TPCN1: variants seen among roughly 807,000 people sequenced by gnomAD.
TPCN1 encodes the protein two pore segment channel 1, also known as two pore channel protein 1.
TPCN1 carries 52 observed loss-of-function variants against 108.8 expected under a neutral mutation model. That is an observed-to-expected ratio of 0.48 (90% CI 0.38 to 0.60). The LOEUF (loss-of-function observed/expected upper bound fraction) is 0.60, where lower values mean the gene tolerates loss of function less well. Among genes scored for constraint, TPCN1 ranks in the 20% least tolerant of loss-of-function variants. The pLI, the probability that TPCN1 is intolerant of heterozygous loss-of-function variation, is 0.00. For missense variants in TPCN1, 806 were observed against 1,072.8 expected, an observed-to-expected ratio of 0.75 and a Z score of 3.47; for synonymous variants, 446 against 433.7, an observed-to-expected ratio of 1.03 and a Z score of -0.35.
intron 2 of TPCN1, among the ~76,000 whole-genome samples, chr12:113,234,715 C>A (rs1953819631): frequency 6.6e-6 from 1 of 152,180 alleles, no homozygotes; most frequent in South Asian, 2.1e-4. Context: ...ACCCTGGGGC[C>A]TGCCGGACCA....
intron 4 of TPCN1, 22 bp from the exon 5 acceptor site, chr12:113,267,821 T>A (rs1467895410): frequency 3.8e-6 from 6 of 1,581,040 alleles, no homozygotes; most frequent in Non-Finnish European, 4.3e-6. Context: ...CCATGACACA[T>A]CTCCACACCC....
In TPCN1 at chr12:113,268,128, G is replaced by A. The variant is rs1193359134; in HGVS notation, c.528+172G>A. Reference sequence around the variant, plus strand: ...CCTCAGCCTTGTGGGTGCCCTGGATGTCGTGATGCCAGCAGTAGCTAATGT... The same window carrying A: ...CCTCAGCCTTGTGGGTGCCCTGGATATCGTGATGCCAGCAGTAGCTAATGT... On this transcript the variant is annotated intron_variant, in intron 5 of 27. Coordinates refer to ENST00000335509, the MANE Select transcript of TPCN1 (RefSeq NM_017901.6). This position sits in a 1 kb window ranked among gnomAD's most constrained non-coding sequence, Gnocchi z 7.3. Among the ~76,000 whole-genome samples, 1 of 152,182 alleles carries A rather than the reference G, an allele frequency of 6.6e-6. No homozygotes were observed. Among genetic ancestry groups the A allele is most frequent in the African/African-American group, 2.4e-5 (1 of 41,444 alleles).
At chr12:113,262,749 A>T (rs1955090875) in intron 3 of TPCN1, among the ~76,000 whole-genome samples, 3 of 152,190 alleles carry the variant, frequency 2.0e-5, no homozygotes, top group Admixed American at 2.0e-4. Context: ...TAGGAACTTT[A>T]AGGGGGCACC....
chr12:113,270,783 G>C (rs1448246268), intron 7 of TPCN1, among the ~76,000 whole-genome samples: 1 of 151,932 alleles, frequency 6.6e-6, no homozygotes, highest in Non-Finnish European at 1.5e-5. Context: ...CCGGCCTCTG[G>C]GACCTCTTTT....
In TPCN1 at chr12:113,298,318, C is replaced by T. The variant is rs1263022698; in HGVS notation, c.*2242C>T. 4.6e-5 allele frequency: 7 copies of T among 152,320 alleles called. No homozygotes were observed. Among genetic ancestry groups the T allele is most frequent in the African/African-American group, 1.7e-4 (7 of 41,458 alleles). The allele number at this position is 152,320 out of a possible 1,614,324, so 9.4% of individuals were successfully genotyped here. ...TGATCTAGCTCAGATGCCCTCTCAT[C>T]CTTGATGTCATAGTTGAGTGCACCC... On this transcript the variant is annotated 3_prime_UTR_variant, in exon 28 of 28. Transcript: ENST00000335509.
At position 113,288,652 on chromosome 12, in the gene TPCN1, G is replaced by A; in HGVS notation, c.1707-106G>A. On this transcript the variant is annotated intron_variant, in intron 20 of 27. Transcript: ENST00000335509. This position sits in a 1 kb window ranked among gnomAD's most constrained non-coding sequence, Gnocchi z 4.8. ...CACTTTCCAGTTGGTGAACCGACCAGGGGCATGGCCCTGCAGTCAGCCCCA... is the reference window on the plus strand; with the variant it reads ...CACTTTCCAGTTGGTGAACCGACCAAGGGCATGGCCCTGCAGTCAGCCCCA... 1.3e-6 allele frequency: 2 copies of A among 1,557,130 alleles called. No homozygotes were observed. Among genetic ancestry groups the A allele is most frequent in the African/African-American group, 1.3e-5 (1 of 74,182 alleles).
intron 2 of TPCN1, among the ~76,000 whole-genome samples, chr12:113,229,671 A>C (rs1953606988): frequency 6.6e-6 from 1 of 152,106 alleles, no homozygotes; most frequent in East Asian, 1.9e-4. Flanking sequence ...TTGTATTTTT[A>C]GTGGAGACGG....
At chr12:113,283,206 G>T (rs1174359411) in intron 15 of TPCN1, among the ~76,000 whole-genome samples, 1 of 152,200 alleles carries the variant, frequency 6.6e-6, no homozygotes, top group Non-Finnish European at 1.5e-5. Context: ...TTTATGTATG[G>T]CTTCTCCTTC....
At chr12:113,223,103 G>A (rs1020028258) in intron 1 of TPCN1, among the ~76,000 whole-genome samples, 1 of 152,102 alleles carries the variant, frequency 6.6e-6, no homozygotes, top group African/African-American at 2.4e-5. Flanking sequence ...TTCCACTGCT[G>A]AGATTTAAAA....
intron 15 of TPCN1, among the ~76,000 whole-genome samples, chr12:113,281,279 G>C (rs1451516347): frequency 1.3e-5 from 2 of 151,910 alleles, no homozygotes; most frequent in Non-Finnish European, 2.9e-5. Flanking sequence ...ACCTCAGGTG[G>C]TCCACCTGCC....
In TPCN1 at chr12:113,292,734, T is replaced by C; in HGVS notation, c.2114-200T>C. 7.0e-6 allele frequency: 4 copies of C among 572,420 alleles called. No individual in the cohort carries two copies. In the South Asian group the frequency reaches 1.1e-4, roughly 15 times the overall value. 35.5% of individuals were successfully genotyped at this position (572,420 alleles called of 1,614,324 possible). A position where few individuals can be genotyped will look rare whatever the true frequency, so the allele number is the denominator to read the frequency against. ...CTCTGGCCCTGTAACAGCTGCCAGCTAGACCTGCGCTCCTGACATCACAGC... is the reference window on the plus strand; with the variant it reads ...CTCTGGCCCTGTAACAGCTGCCAGCCAGACCTGCGCTCCTGACATCACAGC... On this transcript the variant is annotated intron_variant, in intron 25 of 27. Coordinates refer to ENST00000335509, the MANE Select transcript of TPCN1 (RefSeq NM_017901.6).
At chr12:113,256,579 G>A (rs1277053831) in intron 2 of TPCN1, among the ~76,000 whole-genome samples, 2 of 152,214 alleles carry the variant, frequency 1.3e-5, no homozygotes, top group Admixed American at 6.5e-5. Flanking sequence ...TTTAAAGACA[G>A]TGTCTTTCTG....
rs573413019 is a variant in TPCN1 at position 113,297,749 on chromosome 12, T to C, written c.*1673T>C. ...TGTCCTCTTCCTCTCTGGAGGGCCA[T>C]GGGCCATCAGCAGGAGCTCCACATC... On this transcript the variant is annotated 3_prime_UTR_variant, in exon 28 of 28. Coordinates refer to ENST00000335509, the MANE Select transcript of TPCN1 (RefSeq NM_017901.6). This position sits in a 1 kb window ranked among gnomAD's most constrained non-coding sequence, Gnocchi z 4.4. The C allele has an allele frequency of 6.6e-5, 10 of 152,480 alleles. No homozygotes were observed. Among genetic ancestry groups the C allele is most frequent in the African/African-American group, 2.2e-4 (9 of 41,578 alleles). The allele number at this position is 152,480 out of a possible 1,614,324, so 9.4% of individuals were successfully genotyped here. A position where few individuals can be genotyped will look rare whatever the true frequency, so the allele number is the denominator to read the frequency against.
At chr12:113,291,131 G>A in intron 23 of TPCN1, 133 bp downstream of exon 23, 1 of 888,694 alleles carries the variant, frequency 1.1e-6, no homozygotes, top group African/African-American at 1.6e-5. Context: ...CTGTGTTGGT[G>A]TTCAGTGGGG....
At chr12:113,225,142 A>G in intron 1 of TPCN1, 1 of 405,374 alleles carries the variant, frequency 2.5e-6, no homozygotes, top group Non-Finnish European at 5.0e-6. Flanking sequence ...ATAACCTCCA[A>G]CTCCTGGGAT....
chr12:113,275,772 C>T (rs906069159), intron 10 of TPCN1, among the ~76,000 whole-genome samples: 2 of 151,242 alleles, frequency 1.3e-5, no homozygotes, highest in East Asian at 2.0e-4. Context: ...GATGGGGTTT[C>T]GCGCTTTGTT....
chr12:113,290,883 A>C, intron 22 of TPCN1, 69 bp from the exon 23 acceptor site: 2 of 1,483,612 alleles, frequency 1.3e-6, no homozygotes, highest in Non-Finnish European at 1.9e-6. Context: ...ATAGGTGGCA[A>C]GAGGCCACTT....
intron 2 of TPCN1, among the ~76,000 whole-genome samples, chr12:113,247,508 T>G (rs2136509091): frequency 6.6e-6 from 1 of 152,344 alleles, no homozygotes; most frequent in African/African-American, 2.4e-5. Context: ...CATTGTCCCT[T>G]CAGCCACTTC....
At chr12:113,251,986 G>A (rs1210936556) in intron 2 of TPCN1, among the ~76,000 whole-genome samples, 1 of 152,160 alleles carries the variant, frequency 6.6e-6, no homozygotes, top group African/African-American at 2.4e-5. Flanking sequence ...TGAGAGGGAC[G>A]AGACCTTTCC....
Sources: allele counts gnomAD v4.1 joint callset (sites outside exome capture counted in the v4.1 genomes callset), GRCh38; gene constraint gnomAD v4.1.1; non-coding constraint Gnocchi (gnomAD v3.1); transcripts MANE v1.5; gene names NCBI Gene and HGNC (gene_info 2026-07-23, HGNC 2026-07-21).